The following JAK1 variants were observed in gnomAD, a reference collection of about 807,000 sequenced individuals.
JAK1 encodes the protein Janus kinase 1, also known as tyrosine-protein kinase JAK1.
JAK1 carries 16 observed loss-of-function variants against 136.6 expected under a neutral mutation model. The observed-to-expected ratio is 0.12, with a 90% confidence interval of 0.08 to 0.18. The LOEUF is 0.18. Ranked by LOEUF, JAK1 falls within the 10% of genes least tolerant of loss-of-function variation. The pLI is 1.00. For synonymous variants in JAK1, 492 were observed against 519.5 expected, an observed-to-expected ratio of 0.95 and a Z score of 0.72; for missense variants, 859 against 1,450.1, an observed-to-expected ratio of 0.59 and a Z score of 6.62.
intron 2 of JAK1, among the ~76,000 whole-genome samples, chr1:64,978,146 TGC>T (rs1220613284): frequency 6.6e-6 from 1 of 151,936 alleles, no homozygotes; most frequent in African/African-American, 2.4e-5. Context: ...GGCGTGGTGG[TGC>T]GCGCCTGTAG....
chr1:64,962,486 A>G (rs1368728939), intron 1 of JAK1, among the ~76,000 whole-genome samples: 1 of 152,180 alleles, frequency 6.6e-6, no homozygotes, highest in Non-Finnish European at 1.5e-5. Flanking sequence ...AAACCCTCAG[A>G]AGTGGAGGTA....
intron 1 of JAK1, among the ~76,000 whole-genome samples, chr1:64,948,612 A>T (rs1402113081): frequency 6.6e-6 from 1 of 152,244 alleles, no homozygotes; most frequent in Non-Finnish European, 1.5e-5. Flanking sequence ...CATGAGATCC[A>T]TGTTCTGAAA....
chr1:64,970,642 T>A (rs930203624), upstream of JAK1, among the ~76,000 whole-genome samples: 1 of 151,854 alleles, frequency 6.6e-6, no homozygotes, highest in Admixed American at 6.6e-5. Flanking sequence ...CATGCACCTG[T>A]AGTCCCAGCT....
chr1:64,878,961 A>T, intron 4 of JAK1, 64 bp downstream of exon 4: 1 of 1,548,316 alleles, frequency 6.5e-7, no homozygotes, highest in Non-Finnish European at 8.8e-7. Context: ...TCAGGGCTCC[A>T]GGCTGACCAC....
At chr1:64,998,854 C>T (rs1025685542) in intron 2 of JAK1, among the ~76,000 whole-genome samples, 1 of 152,208 alleles carries the variant, frequency 6.6e-6, no homozygotes, top group African/African-American at 2.4e-5. Context: ...AACTTTGAGA[C>T]CAACTAAAAC....
intron 2 of JAK1, chr1:64,989,954 TTTTG>T (rs146472719): frequency 0.11 from 17,314 of 152,106 alleles, 1,745 homozygotes; most frequent in African/African-American, 0.27. Flanking sequence ...AGAAAAGTAT[TTTTG>T]TTTGTTTGTT....
chr1:65,060,297 C>T (rs1647733715), intron 1 of JAK1, among the ~76,000 whole-genome samples: 1 of 152,098 alleles, frequency 6.6e-6, no homozygotes, highest in Non-Finnish European at 1.5e-5. Context: ...AGATTATCAA[C>T]TAATATTTCT....
chr1:65,052,395 A>G (rs1172088498), intron 1 of JAK1, among the ~76,000 whole-genome samples: 1 of 152,128 alleles, frequency 6.6e-6, no homozygotes. Context: ...AATGATGACT[A>G]GGCCGGGCAT....
At chr1:64,919,262 C>T (rs1014025298) in intron 1 of JAK1, among the ~76,000 whole-genome samples, 1 of 152,110 alleles carries the variant, frequency 6.6e-6, no homozygotes, top group Non-Finnish European at 1.5e-5. Flanking sequence ...TCAGAACATG[C>T]GGTGTTTGGT....
In JAK1 at chr1:64,984,811, C is replaced by G; in HGVS notation, c.-78+59669G>C. The G allele has an allele frequency of 9.1e-7, 1 of 1,095,274 alleles. No homozygotes were observed. Among genetic ancestry groups the G allele is most frequent in the South Asian group, 1.3e-5 (1 of 76,546 alleles). 67.8% of individuals were successfully genotyped at this position (1,095,274 alleles called of 1,614,324 possible). ...TCGGTGAAGATAATAAAAACGTAGGCTCCTAAATAGTAAGCAGCAGAAGGG... is the reference window on the plus strand; with the variant it reads ...TCGGTGAAGATAATAAAAACGTAGGGTCCTAAATAGTAAGCAGCAGAAGGG... On this transcript the variant is annotated intron_variant, in intron 2 of 25. Transcript: ENST00000671954. The surrounding 1 kb of genome is among the most constrained non-coding windows in gnomAD (Gnocchi z 4.1).
At chr1:64,857,868 A>C (rs937595447) in intron 9 of JAK1, 89 bp from the exon 10 acceptor site, 3 of 1,476,486 alleles carry the variant, frequency 2.0e-6, no homozygotes, top group Non-Finnish European at 2.8e-6. Context: ...AGCTGCCTCA[A>C]GTCTTAACAG....
chr1:64,852,482 G>C (rs1011488453), intron 11 of JAK1, among the ~76,000 whole-genome samples: 3 of 152,158 alleles, frequency 2.0e-5, no homozygotes, highest in African/African-American at 7.2e-5. Flanking sequence ...ACTCCACTCT[G>C]TTACCTGGGG....
chr1:64,860,457 T>C (rs1217573051), intron 8 of JAK1, among the ~76,000 whole-genome samples, 195 bp from the exon 9 acceptor site: 4 of 140,638 alleles, frequency 2.8e-5, no homozygotes, highest in South Asian at 2.3e-4. Flanking sequence ...TATTTATTTA[T>C]TTATTTATTT....
rs1182572423 is a variant in JAK1 at position 64,873,394 on chromosome 1, G to A, written c.459C>T (p.Ser153=). The part of the protein sequence containing the change: ...IPDATPLLDA[S]SLEYLFAQGQ... ...CCTGAGCAAACAGATACTCCAGTGA[G>A]CTGGCATCAAGGAGAGGGGTTGCAT... The change falls in exon 5 of 25, where the codon AGC becomes AGT. Residue 153 remains serine, a synonymous_variant. Transcript: ENST00000342505. 5.6e-6 allele frequency: 9 copies of A among 1,614,178 alleles called. 1 individual carries two copies. The South Asian group carries it at 9.9e-5, about 18-fold the overall frequency.
chr1:64,867,142 C>T lies in JAK1; in HGVS notation c.714G>A (p.Met238Ile), dbSNP rs1656756220. The T allele has an allele frequency of 6.2e-7, 1 of 1,612,794 alleles. No individual in the cohort carries two copies. The highest frequency in any genetic ancestry group is 2.2e-5 in the East Asian group (1 of 44,850). ...SIRQRNLLTR[M>I]RINNVFKDFL... ...AATCCTTGAAAACATTATTTATCCG[C>T]ATCCTGGTGAGAAGGTTCCTCTGTC... The change falls in exon 7 of 25, where the codon ATG (methionine) becomes ATA (isoleucine). Residue 238 changes from methionine (M) to isoleucine (I), a missense_variant. Physicochemically the swap from Met to Ile is conservative, Grantham distance 10. Transcript: ENST00000342505.
chr1:64,847,007 A>G, intron 13 of JAK1: 1 of 524,904 alleles, frequency 1.9e-6, no homozygotes, highest in Non-Finnish European at 3.4e-6. Flanking sequence ...GAATTTTCCC[A>G]CTGGATACTC....
At chr1:64,838,158 T>C in intron 21 of JAK1, 54 bp from the exon 22 acceptor site, 3 of 1,499,502 alleles carry the variant, frequency 2.0e-6, no homozygotes, top group Non-Finnish European at 2.7e-6. Flanking sequence ...TTAGATTGTA[T>C]TATCTATCAC....
chr1:64,860,404 T>C, intron 8 of JAK1, 142 bp from the exon 9 acceptor site: 1 of 393,796 alleles, frequency 2.5e-6, no homozygotes, highest in Non-Finnish European at 4.5e-6. Context: ...CAATACTAAA[T>C]ATACCCCTTG....
chr1:64,860,674 G>A (rs1656243888), intron 8 of JAK1, among the ~76,000 whole-genome samples: 1 of 151,970 alleles, frequency 6.6e-6, no homozygotes, highest in Admixed American at 6.6e-5. Context: ...GGCTGGTCTT[G>A]AACTCCTGAC....
Sources: allele counts gnomAD v4.1 joint callset (sites outside exome capture counted in the v4.1 genomes callset), GRCh38; gene constraint gnomAD v4.1.1; non-coding constraint Gnocchi (gnomAD v3.1); transcripts MANE v1.5; gene names NCBI Gene and HGNC (gene_info 2026-07-23, HGNC 2026-07-21).